Variants in BACH2 observed in about 807,000 individuals in gnomAD.
BACH2 encodes BACH transcriptional regulator 2.
Under a neutral mutation model 61.8 loss-of-function variants are expected in BACH2, and 5 were observed. The observed-to-expected ratio is 0.08, with a 90% confidence interval of 0.04 to 0.17. The LOEUF (loss-of-function observed/expected upper bound fraction) is 0.17. Ranked by LOEUF, BACH2 falls within the 10% of genes least tolerant of loss-of-function variation. BACH2 has a pLI of 1.00. For missense variants in BACH2, 824 were observed against 1,091.1 expected, an observed-to-expected ratio of 0.76 and a Z score of 3.45; for synonymous variants, 446 against 440.1, an observed-to-expected ratio of 1.01 and a Z score of -0.17.
intron 7 of BACH2, among the ~76,000 whole-genome samples, chr6:89,940,607 T>C (rs1377283087): frequency 6.6e-6 from 1 of 152,204 alleles, no homozygotes; most frequent in Non-Finnish European, 1.5e-5. Context: ...TTGTTTACAT[T>C]CACGTCTGCT....
At chr6:89,976,589 C>T (rs796712314) in intron 6 of BACH2, among the ~76,000 whole-genome samples, 2 of 152,272 alleles carry the variant, frequency 1.3e-5, no homozygotes, top group African/African-American at 2.4e-5. Flanking sequence ...ATTTTAGAAA[C>T]GGTTTGAATG....
At chr6:90,103,025 A>T (rs866483869) in intron 4 of BACH2, among the ~76,000 whole-genome samples, 29 of 27,502 alleles carry the variant, frequency 1.1e-3, no homozygotes, top group African/African-American at 2.9e-3. Context: ...ATATATATAT[A>T]TATATTTTTT....
chr6:90,163,645 C>G (rs146486508), intron 4 of BACH2, among the ~76,000 whole-genome samples: 2 of 152,062 alleles, frequency 1.3e-5, no homozygotes, highest in Non-Finnish European at 2.9e-5. Context: ...GAAAAAGATA[C>G]TATACATTCC....
chr6:90,212,778 A>G (rs1216711804), intron 3 of BACH2, among the ~76,000 whole-genome samples: 1 of 152,190 alleles, frequency 6.6e-6, no homozygotes, highest in Non-Finnish European at 1.5e-5. Context: ...TAAATTATAA[A>G]AGAGAGACAC....
chr6:90,197,102 A>G (rs1307282757), intron 4 of BACH2, among the ~76,000 whole-genome samples: 1 of 152,242 alleles, frequency 6.6e-6, no homozygotes, highest in Non-Finnish European at 1.5e-5. Flanking sequence ...TGATGTACAT[A>G]TATTCAAAAG....
chr6:90,236,909 G>C (rs1364016421), intron 3 of BACH2, among the ~76,000 whole-genome samples: 1 of 151,982 alleles, frequency 6.6e-6, no homozygotes, highest in African/African-American at 2.4e-5. Flanking sequence ...CCATTCTCCA[G>C]GACTCAGGAA....
intron 4 of BACH2, among the ~76,000 whole-genome samples, chr6:90,147,664 T>A (rs1337947182): frequency 1.3e-5 from 2 of 152,008 alleles, no homozygotes; most frequent in African/African-American, 4.8e-5. Context: ...GATAGTCAAT[T>A]AGAAAAAAAA....
At chr6:90,256,810 T>C (rs1210131743) in intron 2 of BACH2, among the ~76,000 whole-genome samples, 1 of 152,154 alleles carries the variant, frequency 6.6e-6, no homozygotes, top group Non-Finnish European at 1.5e-5. Context: ...CCTATAGTCT[T>C]CATACTGCAC....
chr6:89,963,570 G>C (rs1774875404), intron 6 of BACH2, among the ~76,000 whole-genome samples: 1 of 152,206 alleles, frequency 6.6e-6, no homozygotes, highest in Non-Finnish European at 1.5e-5. Context: ...GGAATGACAG[G>C]TGTGAGTCAC....
intron 8 of BACH2, among the ~76,000 whole-genome samples, chr6:89,934,237 A>T (rs1772868911): frequency 1.3e-5 from 2 of 152,190 alleles, no homozygotes; most frequent in Admixed American, 1.3e-4. Context: ...TACTAGCCCA[A>T]GGTTCTGAGA....
rs761065105 is a variant in BACH2 at position 89,951,378 on chromosome 6, T to C, written c.728A>G (p.Tyr243Cys). 5.9e-5 allele frequency: 95 copies of C among 1,614,152 alleles called. No homozygotes were observed. The highest frequency in any genetic ancestry group is 8.1e-5 in the Non-Finnish European group (95 of 1,180,056). The stretch of plus-strand genomic sequence containing the variant: ...TGAGGTACTGTGTGATGATGCATTA[T>C]AGACATTCTTGGTACATGCAAGCTG... ...KYQLACTKNVYNASSHSTSGF... is the reference protein window; with the variant it reads ...KYQLACTKNVCNASSHSTSGF... The change falls in exon 7 of 9, where the codon TAT (tyrosine) becomes TGT (cysteine). Residue 243 changes from tyrosine to cysteine, a missense_variant. Tyr to Cys is a radical substitution (Grantham distance 194, BLOSUM62 -2). This residue lies in a region of BACH2 where 226 missense variants were observed against 228.5 expected (regional missense o/e 0.99). Transcript: ENST00000257749. The surrounding 1 kb of genome is among the most constrained non-coding windows in gnomAD (Gnocchi z 6.4).
intron 3 of BACH2, among the ~76,000 whole-genome samples, chr6:90,211,162 G>A (rs1001056811): frequency 2.1e-5 from 3 of 141,736 alleles, no homozygotes; most frequent in African/African-American, 2.6e-5. Flanking sequence ...CAGAGACAAA[G>A]TAAGTCTAAG....
At chr6:89,949,615 A>C (rs537107937) in intron 7 of BACH2, among the ~76,000 whole-genome samples, 1 of 152,248 alleles carries the variant, frequency 6.6e-6, no homozygotes, top group Admixed American at 6.5e-5. Context: ...ACTCTACCCC[A>C]CTACTTCTCA....
chr6:89,969,465 CAGA>C (rs1775238458), intron 6 of BACH2, among the ~76,000 whole-genome samples: 2 of 152,136 alleles, frequency 1.3e-5, no homozygotes, highest in African/African-American at 4.8e-5. Context: ...CCTGGTGCAG[CAGA>C]AGATGAGAGA....
intron 4 of BACH2, among the ~76,000 whole-genome samples, chr6:90,129,060 TGTGGG>T (rs1164900242): frequency 1.5e-4 from 23 of 151,580 alleles, no homozygotes; most frequent in Admixed American, 1.3e-3. Flanking sequence ...TGGGGCCTGT[TGTGGG>T]GTGGGGATGG....
chr6:89,952,587 A>C (rs1774195347), intron 6 of BACH2, among the ~76,000 whole-genome samples: 1 of 152,194 alleles, frequency 6.6e-6, no homozygotes, highest in Non-Finnish European at 1.5e-5. Flanking sequence ...ACCGGCTCTC[A>C]TTTAAATGGT....
At chr6:90,085,384 C>T (rs1781890589) in intron 5 of BACH2, among the ~76,000 whole-genome samples, 1 of 152,192 alleles carries the variant, frequency 6.6e-6, no homozygotes, top group Non-Finnish European at 1.5e-5. Context: ...CAGTGAGGCA[C>T]ACAGCTCTGG....
At chr6:90,016,642 C>T (rs1279147060) in intron 5 of BACH2, among the ~76,000 whole-genome samples, 1 of 152,058 alleles carries the variant, frequency 6.6e-6, no homozygotes, top group Non-Finnish European at 1.5e-5. Context: ...ATTGTCATTA[C>T]TTTTGTTTAG....
At chr6:89,949,487 G>T (rs964979261) in intron 7 of BACH2, among the ~76,000 whole-genome samples, 1 of 152,160 alleles carries the variant, frequency 6.6e-6, no homozygotes, top group Non-Finnish European at 1.5e-5. Context: ...TGTGAGTCTT[G>T]CTCACGATGT....
Sources: gnomAD v4.1 joint callset for allele counts (sites outside exome capture counted in the v4.1 genomes callset) on GRCh38, gnomAD v4.1.1 for gene constraint, gnomAD v4.1.1 regional missense constraint, Gnocchi (gnomAD v3.1) non-coding constraint, MANE v1.5 for transcripts, NCBI Gene and HGNC (gene_info 2026-07-23, HGNC 2026-07-21) for gene names.